DENND1A: variants seen among roughly 807,000 people sequenced by gnomAD.
DENND1A encodes DENN domain containing 1A.
DENND1A carries 51 observed loss-of-function variants against 113.7 expected under a neutral mutation model. The ratio of observed to expected loss-of-function variants is 0.45; its 90% confidence interval spans 0.36 to 0.57. The LOEUF (loss-of-function observed/expected upper bound fraction) is 0.57. DENND1A is among the 20% of genes least tolerant of loss of function. The pLI is 0.00. For missense variants in DENND1A, 1,258 were observed against 1,395.9 expected (o/e 0.90, Z 1.57); for synonymous variants, 565 against 570.8 (o/e 0.99, Z 0.14).
At chr9:123,825,770 T>C (rs1334331195) in intron 2 of DENND1A, among the ~76,000 whole-genome samples, 2 of 152,266 alleles carry the variant, frequency 1.3e-5, no homozygotes, top group Non-Finnish European at 2.9e-5. Context: ...TGTAATTTTG[T>C]ATCCGATTTT....
intron 10 of DENND1A, among the ~76,000 whole-genome samples, chr9:123,615,939 CT>C (rs1244008538): frequency 6.6e-6 from 1 of 151,978 alleles, no homozygotes; most frequent in African/African-American, 2.4e-5. Context: ...CATTTTATAG[CT>C]TTTTTTTGAG....
chr9:123,914,687 G>A (rs1854755530), intron 1 of DENND1A, among the ~76,000 whole-genome samples: 2 of 151,954 alleles, frequency 1.3e-5, no homozygotes, highest in Admixed American at 6.6e-5. Context: ...ATGGCTGAAG[G>A]TGACAGGGAG....
chr9:123,540,615 A>C (rs1052494906), intron 13 of DENND1A, among the ~76,000 whole-genome samples: 1 of 152,208 alleles, frequency 6.6e-6, no homozygotes, highest in Non-Finnish European at 1.5e-5. Context: ...TTTAGGACAG[A>C]CTGGTCTCCT....
intron 13 of DENND1A, among the ~76,000 whole-genome samples, chr9:123,545,713 C>T (rs978171503): frequency 3.9e-5 from 6 of 152,066 alleles, no homozygotes; most frequent in African/African-American, 1.5e-4. Context: ...ATGATCCGCC[C>T]ACCTCAGCCT....
intron 5 of DENND1A, among the ~76,000 whole-genome samples, chr9:123,754,903 C>CT (rs1195854002): frequency 1.7e-4 from 26 of 152,126 alleles, no homozygotes; most frequent in African/African-American, 6.0e-4. Flanking sequence ...TAAATGAATA[C>CT]TTTTATCAAA....
intron 10 of DENND1A, 147 bp downstream of exon 10, chr9:123,630,228 TA>T: frequency 5.8e-6 from 1 of 172,206 alleles, no homozygotes; most frequent in Non-Finnish European, 1.0e-5. Flanking sequence ...TTTTTTTTTG[TA>T]CAGATGGATT....
At chr9:123,734,162 G>A (rs1336746120) in intron 5 of DENND1A, among the ~76,000 whole-genome samples, 5 of 152,104 alleles carry the variant, frequency 3.3e-5, no homozygotes, top group African/African-American at 1.2e-4. Flanking sequence ...TGTAGAGGCA[G>A]AGTCATTATT....
At chr9:123,728,837 C>T (rs577957189) in intron 5 of DENND1A, among the ~76,000 whole-genome samples, 10 of 152,264 alleles carry the variant, frequency 6.6e-5, no homozygotes, top group Admixed American at 4.6e-4. Flanking sequence ...AGGCCAATAT[C>T]GCTGATGAAC....
chr9:123,425,381 C>T (rs1282310823), intron 19 of DENND1A, among the ~76,000 whole-genome samples: 3 of 152,272 alleles, frequency 2.0e-5, no homozygotes, highest in Non-Finnish European at 2.9e-5. Flanking sequence ...GCTGTCACAC[C>T]GCTGAAGGTG....
In DENND1A at chr9:123,688,371, C is replaced by T. The variant is rs149858885; in HGVS notation, c.303-11582G>A. Among the ~76,000 whole-genome samples the T allele has an allele frequency of 3.3e-3, 495 of 152,262 alleles. 4 individuals are homozygous for T. Among genetic ancestry groups the T allele is most frequent in the Admixed American group, 3.9e-3 (59 of 15,304 alleles). The stretch of plus-strand genomic sequence containing the variant: ...GTCAAAATGAGATAATAATTAAGCT[C>T]ATTTGTGTTATAGACAGCATTCATT... On this transcript the variant is annotated intron_variant, in intron 5 of 23. Transcript: ENST00000394215.
chr9:123,823,963 T>C (rs1370055951), intron 2 of DENND1A, among the ~76,000 whole-genome samples: 7 of 152,108 alleles, frequency 4.6e-5, no homozygotes, highest in Non-Finnish European at 7.4e-5. Context: ...GAGAAGAAAG[T>C]CAAGAAGAGC....
At chr9:123,448,669 G>C (rs566706280) in intron 18 of DENND1A, among the ~76,000 whole-genome samples, 41 of 152,356 alleles carry the variant, frequency 2.7e-4, no homozygotes, top group African/African-American at 9.4e-4. Context: ...GTCTCTGGCA[G>C]GGTGCAAACA....
At chr9:123,874,200 TAAA>T (rs3050143) in intron 2 of DENND1A, among the ~76,000 whole-genome samples, 1 of 93,144 alleles carries the variant, frequency 1.1e-5, no homozygotes. Context: ...ATTTAAAAAG[TAAA>T]AAAAAAAAAA....
chr9:123,843,434 A>T (rs1049223287), intron 2 of DENND1A: 7 of 302,304 alleles, frequency 2.3e-5, no homozygotes, highest in Non-Finnish European at 4.0e-5. Flanking sequence ...AAATCTCAAA[A>T]GCATAGCTTA....
chr9:123,513,551 G>A (rs570211574), intron 13 of DENND1A, among the ~76,000 whole-genome samples: 33 of 152,308 alleles, frequency 2.2e-4, no homozygotes, highest in African/African-American at 6.5e-4. Flanking sequence ...GTCTGAGGAC[G>A]CCAGAGCGGG....
chr9:123,705,083 A>G (rs747505316), intron 5 of DENND1A, among the ~76,000 whole-genome samples: 1 of 152,052 alleles, frequency 6.6e-6, no homozygotes, highest in Non-Finnish European at 1.5e-5. Context: ...AAAAAAAACA[A>G]ACAAACACAT....
At chr9:123,462,570 G>A (rs1356402237) in intron 13 of DENND1A, among the ~76,000 whole-genome samples, 3 of 152,300 alleles carry the variant, frequency 2.0e-5, no homozygotes, top group Admixed American at 1.3e-4. Flanking sequence ...GCTGAGGTGG[G>A]CGGATCACCT....
intron 1 of DENND1A, among the ~76,000 whole-genome samples, chr9:123,879,506 C>A (rs998751708): frequency 6.6e-6 from 1 of 151,996 alleles, no homozygotes; most frequent in Non-Finnish European, 1.5e-5. Context: ...GCACTCCAGC[C>A]TGGGTAACAG....
At chr9:123,386,969 C>G (rs1056469034) in intron 22 of DENND1A, among the ~76,000 whole-genome samples, 1 of 152,224 alleles carries the variant, frequency 6.6e-6, no homozygotes, top group African/African-American at 2.4e-5. Context: ...AACGTGCCCC[C>G]TGGAAGGTTG....
Sources: gnomAD v4.1 joint callset for allele counts (sites outside exome capture counted in the v4.1 genomes callset) on GRCh38, gnomAD v4.1.1 for gene constraint, MANE v1.5 for transcripts, NCBI Gene and HGNC (gene_info 2026-07-23, HGNC 2026-07-21) for gene names.